Variants in ASPHD2 observed in about 807,000 individuals in gnomAD.
The protein encoded by ASPHD2 is aspartate beta-hydroxylase domain-containing protein 2.
A neutral mutation model predicts 34.6 loss-of-function variants in ASPHD2; 12 were observed. The ratio of observed to expected loss-of-function variants is 0.35; its 90% CI spans 0.22 to 0.56. The LOEUF (loss-of-function observed/expected upper bound fraction) is 0.56, where lower values mean the gene tolerates loss of function less well. Among genes scored for constraint, ASPHD2 ranks in the 20% least tolerant of loss-of-function variants. The pLI is 0.87. For synonymous variants in ASPHD2, 224 were observed against 212.2 expected, an observed-to-expected ratio of 1.06 and a Z score of -0.48; for missense variants, 375 against 505.0, an observed-to-expected ratio of 0.74 and a Z score of 2.47.
At chr22:26,431,938 G>A (rs887036954) in intron 1 of ASPHD2, among the ~76,000 whole-genome samples, 1 of 152,232 alleles carries the variant, frequency 6.6e-6, no homozygotes, top group Non-Finnish European at 1.5e-5. Context: ...GCTCACGCCT[G>A]TAATCCCAAC....
intron 2 of ASPHD2, among the ~76,000 whole-genome samples, chr22:26,439,298 CT>C (rs1315440456): frequency 6.6e-6 from 1 of 152,108 alleles, no homozygotes. Flanking sequence ...ACTCGGGAGG[CT>C]GAGGCAGGAG....
At chr22:26,442,834 A>G (rs1451890899) in intron 3 of ASPHD2, among the ~76,000 whole-genome samples, 2 of 152,160 alleles carry the variant, frequency 1.3e-5, no homozygotes, top group Non-Finnish European at 2.9e-5. Context: ...CCATGACAGT[A>G]TCATACAGAA....
chr22:26,438,065 C>G (rs2084803590), intron 2 of ASPHD2, among the ~76,000 whole-genome samples: 1 of 152,154 alleles, frequency 6.6e-6, no homozygotes, highest in African/African-American at 2.4e-5. Flanking sequence ...GCAGGCCAGG[C>G]CATTTTTCTA....
chr22:26,442,135 A>G (rs930097703), intron 2 of ASPHD2, among the ~76,000 whole-genome samples: 1 of 151,642 alleles, frequency 6.6e-6, no homozygotes, highest in Non-Finnish European at 1.5e-5. Context: ...GGGAAAAGAA[A>G]AAAAGATGCA....
rs1946753814 is a variant in ASPHD2 at position 26,443,807 on chromosome 22, A to AGTGTCCG, written c.*602_*603insTGTCCGG. 1 of 152,252 alleles carries AGTGTCCG rather than the reference A, an allele frequency of 6.6e-6. No homozygotes were observed. Among genetic ancestry groups the AGTGTCCG allele is most frequent in the Admixed American group, 6.6e-5 (1 of 15,266 alleles). 9.4% of individuals were successfully genotyped at this position (152,252 alleles called of 1,614,324 possible). ...ACAGTCAGGGTGGCACACAGTGTCC[A>AGTGTCCG]GGCCCAGGGATACTGTCACCATCGC... On this transcript the variant is annotated 3_prime_UTR_variant, in exon 4 of 4. Transcript: ENST00000215906.
At chr22:26,430,457 T>G (rs572964268) in intron 1 of ASPHD2, among the ~76,000 whole-genome samples, 57 of 152,184 alleles carry the variant, frequency 3.7e-4, no homozygotes, top group Admixed American at 7.2e-4. Context: ...TGCAATGAGA[T>G]GTCCCCATCC....
Position 26,443,034 on chromosome 22 carries a change from G to A in ASPHD2, c.1001-63G>A, listed in dbSNP as rs2084865181. 4.0e-6 allele frequency: 5 copies of A among 1,262,308 alleles called. No homozygotes were observed. The Admixed American group carries it at 6.7e-5, about 17-fold the overall frequency. The allele number at this position is 1,262,308 out of a possible 1,614,324, so 78.2% of individuals were successfully genotyped here. On this transcript the variant is annotated intron_variant, in intron 3 of 3. Transcript: ENST00000215906. ...GAGCACGTAGGGTCCAGCCCTGCCT[G>A]GATCCTGGGTCCTGACTCCAGGGTG...
chr22:26,434,273 A>G lies in ASPHD2; in HGVS notation c.658A>G (p.Met220Val). Residue 220 changes from methionine to valine, a missense_variant, in exon 2 of 4, where the codon ATG becomes GTG. Transcript: ENST00000215906. ...CTGCAGCCTCCCGCAAGGATGGAAA[A>G]TGAACAGCACCCCCAGCGGGGAGTG... ...SNCSLPQGWK[M>V]NSTPSGEWFT... The G allele has an allele frequency of 6.2e-7, 1 of 1,614,232 alleles. No individual in the cohort carries two copies. The highest frequency in any genetic ancestry group is 1.1e-5 in the South Asian group (1 of 91,082).
intron 2 of ASPHD2, among the ~76,000 whole-genome samples, chr22:26,437,013 G>C (rs540248172): frequency 7.9e-4 from 120 of 152,302 alleles, no homozygotes; most frequent in African/African-American, 2.8e-3. Flanking sequence ...CTGTGGCGTG[G>C]CTTGTTCTCC....
At chr22:26,431,314 C>A (rs1239497668) in intron 1 of ASPHD2, among the ~76,000 whole-genome samples, 2 of 150,912 alleles carry the variant, frequency 1.3e-5, no homozygotes, top group African/African-American at 4.9e-5. Context: ...TATGGTCTAA[C>A]AAGGAGAGAA....
intron 1 of ASPHD2, among the ~76,000 whole-genome samples, chr22:26,430,449 C>T (rs1343362458): frequency 6.6e-6 from 1 of 152,142 alleles, no homozygotes; most frequent in East Asian, 1.9e-4. Context: ...TGCAGAGCTG[C>T]AATGAGATGT....
chr22:26,432,003 C>T (rs1445910065), intron 1 of ASPHD2, among the ~76,000 whole-genome samples: 1 of 152,202 alleles, frequency 6.6e-6, no homozygotes, highest in Admixed American at 6.5e-5. Context: ...CAAGACCAGC[C>T]TGACCAACAT....
intron 2 of ASPHD2, among the ~76,000 whole-genome samples, chr22:26,436,422 G>C (rs1048912166): frequency 6.6e-6 from 1 of 152,178 alleles, no homozygotes; most frequent in East Asian, 1.9e-4. Context: ...CTGCAGACGG[G>C]GTGCCCTGGG....
At chr22:26,438,660 T>TAC (rs2084816698) in intron 2 of ASPHD2, among the ~76,000 whole-genome samples, 1 of 120,010 alleles carries the variant, frequency 8.3e-6, no homozygotes, top group African/African-American at 3.1e-5. Flanking sequence ...TACATATATA[T>TAC]ATATACACAT....
chr22:26,434,260 G>T lies in ASPHD2; in HGVS notation c.645G>T (p.Pro215=). Residue 215 remains proline, a synonymous_variant, in exon 2 of 4, where the codon CCG becomes CCT. Transcript: ENST00000215906. ...LYKAFSNCSL[P]QGWKMNSTPS... is the part of the protein sequence containing the mutation. ...AAGCTTTCTCAAACTGCAGCCTCCC[G>T]CAAGGATGGAAAATGAACAGCACCC... The T allele has an allele frequency of 6.2e-7, 1 of 1,614,180 alleles. No individual in the cohort carries two copies. Among genetic ancestry groups the T allele is most frequent in the Non-Finnish European group, 8.5e-7 (1 of 1,180,036 alleles).
chr22:26,435,318 TA>T (rs1326741977), intron 2 of ASPHD2, among the ~76,000 whole-genome samples: 1 of 152,200 alleles, frequency 6.6e-6, no homozygotes, highest in Non-Finnish European at 1.5e-5. Context: ...AAAGTAGGCT[TA>T]AAACAACTTA....
intron 2 of ASPHD2, among the ~76,000 whole-genome samples, chr22:26,436,516 G>T (rs2084793225): frequency 6.6e-6 from 1 of 152,202 alleles, no homozygotes; most frequent in Non-Finnish European, 1.5e-5. Context: ...ATCCCCTGGG[G>T]CTTGGGGAAG....
Position 26,433,675 on chromosome 22 carries a change from C to T in ASPHD2, c.60C>T (p.Pro20=), listed in dbSNP as rs1315595067. The T allele has an allele frequency of 1.9e-6, 3 of 1,614,002 alleles. No homozygotes were observed. The African/African-American group carries it at 4.0e-5, about 22-fold the overall frequency. Residue 20 remains proline (P), a synonymous_variant, in exon 2 of 4, where the codon CCC becomes CCT. Coordinates refer to ENST00000215906, the MANE Select transcript of ASPHD2 (RefSeq NM_020437.5). This position sits in a 1 kb window ranked among gnomAD's most constrained non-coding sequence, Gnocchi z 5.1. ...RTDCLTLLHT[P]SKDSPKMSLE... is the part of the protein sequence containing the mutation. ...ATTGTCTGACCTTGCTTCACACGCCCAGTAAGGACTCCCCCAAGATGTCGC... is the reference window on the plus strand; with the variant it reads ...ATTGTCTGACCTTGCTTCACACGCCTAGTAAGGACTCCCCCAAGATGTCGC...
At position 26,444,894 on chromosome 22, in the gene ASPHD2, C is replaced by CT. The variant is rs2084901767; in HGVS notation, c.*1688_*1689insT. The CT allele has an allele frequency of 6.6e-6, 1 of 152,224 alleles. No individual in the cohort carries two copies. Among genetic ancestry groups the CT allele is most frequent in the Non-Finnish European group, 1.5e-5 (1 of 68,028 alleles). The allele number at this position is 152,224 out of a possible 1,614,324, so 9.4% of individuals were successfully genotyped here. A position where few individuals can be genotyped will look rare whatever the true frequency, so the allele number is the denominator to read the frequency against. ...ATCACTGAGGTGCATGATTTCTACA[C>CT]ATCGTGACTGCTCTGCTCTGCGTTT... is the stretch of plus-strand genomic sequence containing the variant. On this transcript the variant is annotated 3_prime_UTR_variant, in exon 4 of 4. Coordinates refer to ENST00000215906, the MANE Select transcript of ASPHD2 (RefSeq NM_020437.5).
Sources: gnomAD v4.1 joint callset for allele counts (sites outside exome capture counted in the v4.1 genomes callset) on GRCh38, gnomAD v4.1.1 for gene constraint, Gnocchi (gnomAD v3.1) non-coding constraint, MANE v1.5 for transcripts, NCBI Gene and HGNC (gene_info 2026-07-23, HGNC 2026-07-21) for gene names.